The following CYP39A1 variants were observed in gnomAD, a reference collection of about 807,000 sequenced individuals.
CYP39A1 encodes 24-hydroxycholesterol 7-alpha-hydroxylase.
In CYP39A1, 49 loss-of-function variants were observed where a neutral mutation model predicts 58.1. The ratio of observed to expected loss-of-function variants is 0.84; its 90% confidence interval spans 0.67 to 1.07. The LOEUF (loss-of-function observed/expected upper bound fraction) is 1.07. Among genes scored for constraint, CYP39A1 ranks in the 50% least tolerant of loss-of-function variants. The probability of loss-of-function intolerance (pLI) is 0.00; values close to 1 mark genes in which losing one functional copy is unlikely to be tolerated. For missense variants in CYP39A1, 531 were observed against 539.4 expected (o/e 0.98, Z 0.16); for synonymous variants, 209 against 187.6 (o/e 1.11, Z -0.93).
At chr6:46,610,775 A>G (rs191496712) in intron 7 of CYP39A1, among the ~76,000 whole-genome samples, 127 of 152,364 alleles carry the variant, frequency 8.3e-4, no homozygotes, top group Non-Finnish European at 9.8e-4. Flanking sequence ...GTATTTTCAT[A>G]TTAAATCTTC....
intron 7 of CYP39A1, among the ~76,000 whole-genome samples, chr6:46,604,608 C>G (rs2150537180): frequency 6.6e-6 from 1 of 152,276 alleles, no homozygotes; most frequent in Non-Finnish European, 1.5e-5. Context: ...CACATATTAA[C>G]ATGTTTATTT....
intron 5 of CYP39A1, among the ~76,000 whole-genome samples, chr6:46,631,785 G>A (rs921741292): frequency 6.6e-6 from 1 of 152,140 alleles, no homozygotes; most frequent in Non-Finnish European, 1.5e-5. Flanking sequence ...CCCATCCAAG[G>A]CTACCCATCT....
At chr6:46,609,215 C>T (rs540197371) in intron 7 of CYP39A1, among the ~76,000 whole-genome samples, 125 of 151,792 alleles carry the variant, frequency 8.2e-4, no homozygotes, top group African/African-American at 3.0e-3. Context: ...TCCTGGCTAA[C>T]ACTGTGAAAC....
intron 1 of CYP39A1, 43 bp from the exon 2 acceptor site, chr6:46,642,341 AG>A (rs769167652): frequency 1.3e-6 from 2 of 1,576,542 alleles, no homozygotes; most frequent in African/African-American, 2.7e-5. Context: ...AGCATTCCTA[AG>A]CCATGTTTAA....
chr6:46,582,239 T>C (rs1738311), intron 10 of CYP39A1, among the ~76,000 whole-genome samples: 77,130 of 151,678 alleles, frequency 0.51, 22,024 homozygotes, highest in African/African-American at 0.79. Context: ...GTCACTAAAT[T>C]TATGGGGATT....
At chr6:46,612,919 G>A (rs141413848) in intron 7 of CYP39A1, among the ~76,000 whole-genome samples, 1 of 152,312 alleles carries the variant, frequency 6.6e-6, no homozygotes, top group Non-Finnish European at 1.5e-5. Flanking sequence ...TCTACAATAT[G>A]CCATGATGGA....
At chr6:46,582,206 A>T (rs994658630) in intron 10 of CYP39A1, among the ~76,000 whole-genome samples, 1 of 152,214 alleles carries the variant, frequency 6.6e-6, no homozygotes, top group East Asian at 1.9e-4. Context: ...CAAATTCCTC[A>T]GAATAAATTG....
chr6:46,632,655 C>T (rs1051128354), intron 5 of CYP39A1, among the ~76,000 whole-genome samples: 4 of 152,080 alleles, frequency 2.6e-5, no homozygotes, highest in Non-Finnish European at 5.9e-5. Flanking sequence ...TGTGGTTCCC[C>T]GCAGATACTA....
intron 11 of CYP39A1, among the ~76,000 whole-genome samples, chr6:46,551,725 C>T (rs1770406454): frequency 6.6e-6 from 1 of 152,142 alleles, no homozygotes; most frequent in Admixed American, 6.6e-5. Flanking sequence ...ACTGATTTCC[C>T]CTGCACCTGA....
chr6:46,564,201 TTTTA>T (rs1378480728), intron 10 of CYP39A1, among the ~76,000 whole-genome samples: 2 of 145,746 alleles, frequency 1.4e-5, no homozygotes, highest in Non-Finnish European at 3.0e-5. Flanking sequence ...TTTTATTTTA[TTTTA>T]TTTTAAGACA....
intron 2 of CYP39A1, among the ~76,000 whole-genome samples, chr6:46,639,902 G>C (rs1329236003): frequency 6.6e-6 from 1 of 152,140 alleles, no homozygotes; most frequent in Non-Finnish European, 1.5e-5. Flanking sequence ...ATCACTTGAG[G>C]TCAGAAGTTC....
intron 10 of CYP39A1, among the ~76,000 whole-genome samples, chr6:46,571,574 C>CT (rs1771585538): frequency 6.6e-6 from 1 of 151,844 alleles, no homozygotes; most frequent in African/African-American, 2.4e-5. Context: ...CATGGAATAT[C>CT]TTTTTCCATC....
At chr6:46,576,317 C>CAAACCA (rs1771842626) in intron 10 of CYP39A1, among the ~76,000 whole-genome samples, 3 of 152,044 alleles carry the variant, frequency 2.0e-5, no homozygotes, top group Admixed American at 2.0e-4. Flanking sequence ...GATGTAGATC[C>CAAACCA]AAACCATATC....
At chr6:46,575,568 T>C (rs566559195) in intron 10 of CYP39A1, among the ~76,000 whole-genome samples, 25 of 152,284 alleles carry the variant, frequency 1.6e-4, no homozygotes, top group Non-Finnish European at 2.5e-4. Context: ...CCTTCCCACA[T>C]TGATGTGCAC....
Position 46,632,806 on chromosome 6 carries a change from G to A in CYP39A1, c.733-1736C>T, listed in dbSNP as rs1224976733. 3.3e-5 allele frequency among the ~76,000 whole-genome samples: 5 copies of A among 152,092 alleles called. No individual in the cohort carries two copies. In the South Asian group the frequency reaches 1.0e-3, roughly 32 times the overall value. On this transcript the variant is annotated intron_variant, in intron 5 of 11. Coordinates refer to ENST00000275016, the MANE Select transcript of CYP39A1 (RefSeq NM_016593.5). ...CCTGACTCCAGAGCCCATACTCTAA[G>A]CCACTATGCTATACTGGCCCCCTTA... is the stretch of plus-strand genomic sequence containing the variant.
At chr6:46,616,595 T>A (rs1404607532) in intron 7 of CYP39A1, among the ~76,000 whole-genome samples, 1 of 152,116 alleles carries the variant, frequency 6.6e-6, no homozygotes, top group Non-Finnish European at 1.5e-5. Flanking sequence ...TATTGTTAAT[T>A]GTCTGTATCC....
rs78599715 is a variant in CYP39A1, at chr6:46,570,174, T to C, written c.1251-16320A>G. On this transcript the variant is annotated intron_variant, in intron 10 of 11. Coordinates refer to ENST00000275016, the MANE Select transcript of CYP39A1 (RefSeq NM_016593.5). Reference sequence around the variant, plus strand: ...CACATAGTAATCTCTTATGATCCTATGTGTTATCTGTTGTCCTCCTTCACT... The same window carrying C: ...CACATAGTAATCTCTTATGATCCTACGTGTTATCTGTTGTCCTCCTTCACT... Among the ~76,000 whole-genome samples, 482 of 152,286 alleles carry C rather than the reference T, an allele frequency of 3.2e-3. 2 individuals carry two copies. The highest frequency in any genetic ancestry group is 0.019 in the South Asian group (90 of 4,830).
intron 10 of CYP39A1, among the ~76,000 whole-genome samples, chr6:46,567,246 T>C (rs1193874556): frequency 2.0e-5 from 3 of 152,136 alleles, no homozygotes; most frequent in Non-Finnish European, 4.4e-5. Flanking sequence ...TCTTTCTGTG[T>C]GTAGCTGATT....
chr6:46,622,889 A>T (rs1775055452), intron 7 of CYP39A1, among the ~76,000 whole-genome samples: 1 of 152,220 alleles, frequency 6.6e-6, no homozygotes, highest in South Asian at 2.1e-4. Flanking sequence ...GCAGCTATCA[A>T]GATAGTTCAA....
Sources: gnomAD v4.1 joint callset for allele counts (sites outside exome capture counted in the v4.1 genomes callset) on GRCh38, gnomAD v4.1.1 for gene constraint, MANE v1.5 for transcripts, NCBI Gene and HGNC (gene_info 2026-07-23, HGNC 2026-07-21) for gene names.